The following FBP1 variants were observed in gnomAD, a reference collection of about 807,000 sequenced individuals.
The protein encoded by FBP1 is fructose-1,6-bisphosphatase 1.
A neutral mutation model predicts 29.9 loss-of-function variants in FBP1; 22 were observed. That is an observed-to-expected ratio of 0.74 (90% CI 0.53 to 1.05). The LOEUF is 1.05. Ranked by LOEUF, FBP1 falls within the 50% of genes least tolerant of loss-of-function variation. FBP1 has a pLI of 0.00. For missense variants in FBP1, 345 were observed against 448.2 expected (o/e 0.77, Z 2.08); for synonymous variants, 175 against 178.6 (o/e 0.98, Z 0.16).
At chr9:94,610,820 G>A (rs1827772424) in intron 3 of FBP1, among the ~76,000 whole-genome samples, 2 of 152,068 alleles carry the variant, frequency 1.3e-5, no homozygotes, top group Non-Finnish European at 2.9e-5. Context: ...AGCCCCTTAA[G>A]GAGACAGCTC....
At chr9:94,611,370 C>A (rs1999122) in intron 3 of FBP1, among the ~76,000 whole-genome samples, 76,294 of 151,992 alleles carry the variant, frequency 0.5, 19,372 homozygotes, top group Admixed American at 0.63. Context: ...GTCATCCCAG[C>A]AAAACATTCC....
chr9:94,635,110 AC>A (rs780451283), intron 1 of FBP1, among the ~76,000 whole-genome samples: 43 of 138,540 alleles, frequency 3.1e-4, no homozygotes, highest in Non-Finnish European at 5.1e-4. Context: ...AAAAAAAAAA[AC>A]CAGTTAACTA....
At chr9:94,615,035 G>C (rs1026932788) in intron 3 of FBP1, among the ~76,000 whole-genome samples, 47 of 151,986 alleles carry the variant, frequency 3.1e-4, no homozygotes, top group Admixed American at 2.4e-3. Context: ...CAGCCTCCCA[G>C]GTAGCTGGGA....
intron 1 of FBP1, among the ~76,000 whole-genome samples, chr9:94,636,059 C>T (rs1828186493): frequency 6.6e-6 from 1 of 152,034 alleles, no homozygotes; most frequent in African/African-American, 2.4e-5. Flanking sequence ...GCAGTGGATA[C>T]CCCATGGGAT....
intron 1 of FBP1, among the ~76,000 whole-genome samples, chr9:94,638,170 AC>A (rs1442932384): frequency 1.3e-5 from 2 of 151,776 alleles, no homozygotes; most frequent in Non-Finnish European, 2.9e-5. Flanking sequence ...CTTACAAAAA[AC>A]CTCACAAGAA....
At chr9:94,616,937 T>C (rs1235329186) in intron 3 of FBP1, among the ~76,000 whole-genome samples, 1 of 150,416 alleles carries the variant, frequency 6.6e-6, no homozygotes, top group African/African-American at 2.4e-5. Flanking sequence ...TCTCTCTTTC[T>C]CTCTCTCTCT....
chr9:94,612,349 G>A lies in FBP1; in HGVS notation c.427-2288C>T, dbSNP rs1050566303. Among the ~76,000 whole-genome samples the A allele has an allele frequency of 5.3e-5, 8 of 152,120 alleles. No individual in the cohort carries two copies. The East Asian group carries it at 7.7e-4, about 15-fold the overall frequency. The stretch of plus-strand genomic sequence containing the variant: ...AGATTCACCTCGCCCAGAACCATCC[G>A]TGCCGGCCTGTGGCAAAGGTGCAAA... On this transcript the variant is annotated intron_variant, in intron 3 of 6. Coordinates refer to ENST00000375326, the MANE Select transcript of FBP1 (RefSeq NM_000507.4).
At chr9:94,635,076 GGC>G (rs1828171093) in intron 1 of FBP1, among the ~76,000 whole-genome samples, 1 of 115,484 alleles carries the variant, frequency 8.7e-6, no homozygotes, top group Middle Eastern at 6.6e-3. Flanking sequence ...GTGAGAGTGA[GGC>G]CCTGTCTCAA....
chr9:94,632,050 CTG>C (rs1282558696), intron 1 of FBP1, among the ~76,000 whole-genome samples: 1 of 152,168 alleles, frequency 6.6e-6, no homozygotes, highest in Non-Finnish European at 1.5e-5. Flanking sequence ...TAAAATAAAT[CTG>C]GTAAAGTTTC....
At chr9:94,635,317 T>G (rs1828176310) in intron 1 of FBP1, among the ~76,000 whole-genome samples, 1 of 152,220 alleles carries the variant, frequency 6.6e-6, no homozygotes, top group African/African-American at 2.4e-5. Flanking sequence ...TGAGTCTCTT[T>G]CAGTCTAAAA....
chr9:94,639,570 C>T, upstream of FBP1: 2 of 577,992 alleles, frequency 3.5e-6, no homozygotes, highest in East Asian at 5.9e-5. Context: ...GGTCGGCCCC[C>T]CGCCCCCGGG....
intron 1 of FBP1, among the ~76,000 whole-genome samples, chr9:94,628,165 T>C (rs1305540806): frequency 6.6e-6 from 1 of 152,142 alleles, no homozygotes; most frequent in Non-Finnish European, 1.5e-5. Context: ...GGCATGTGGA[T>C]CACTTGAGGA....
At chr9:94,617,565 T>C (rs577734616) in intron 3 of FBP1, among the ~76,000 whole-genome samples, 1 of 152,304 alleles carries the variant, frequency 6.6e-6, no homozygotes, top group Non-Finnish European at 1.5e-5. Flanking sequence ...CCACCCATAT[T>C]TTACCCTATA....
At position 94,617,871 on chromosome 9, in the gene FBP1, A is replaced by G; in HGVS notation, c.334-11T>C. ...GACCACATATTTACCCTGAGCACAG[A>G]AAAAAGAAATACAACCTTAAAATGT... On this transcript the variant is annotated splice_polypyrimidine_tract_variant and intron_variant, in intron 2 of 6. Coordinates refer to ENST00000375326, the MANE Select transcript of FBP1 (RefSeq NM_000507.4). The G allele has an allele frequency of 6.3e-7, 1 of 1,593,012 alleles. No homozygotes were observed.
At chr9:94,621,004 G>C (rs1752706982) in intron 1 of FBP1, among the ~76,000 whole-genome samples, 1 of 151,956 alleles carries the variant, frequency 6.6e-6, no homozygotes, top group Non-Finnish European at 1.5e-5. Context: ...ATGAGGTCAG[G>C]GGATCGAGAC....
intron 1 of FBP1, among the ~76,000 whole-genome samples, chr9:94,637,621 C>T (rs1184137677): frequency 2.6e-5 from 4 of 151,956 alleles, no homozygotes; most frequent in Admixed American, 1.3e-4. Flanking sequence ...GAACTCCTGA[C>T]CTCAGGCAAT....
rs758621019 is a variant in FBP1, at chr9:94,617,781, C to T, written c.413G>A (p.Gly138Asp). The T allele has an allele frequency of 1.2e-6, 2 of 1,612,344 alleles. No homozygotes were observed. Among genetic ancestry groups the T allele is most frequent in the Non-Finnish European group, 1.7e-6 (2 of 1,178,526 alleles). The change falls in exon 3 of 7, where the codon GGC becomes GAC. Residue 138 changes from glycine (G) to aspartate (D), a missense_variant. Gly to Asp is a moderately conservative substitution (Grantham distance 94, BLOSUM62 -1). Coordinates refer to ENST00000375326, the MANE Select transcript of FBP1 (RefSeq NM_000507.4). Reference protein sequence around the residue: ...DCLVSVGTIFGIYRKKSTDEP... With the variant: ...DCLVSVGTIFDIYRKKSTDEP... ...ATCACGTTTTACCTTTCTATAGATG[C>T]CAAAAATGGTTCCAACGGACACAAG... is the stretch of plus-strand genomic sequence containing the variant.
intron 4 of FBP1, 120 bp from the exon 5 acceptor site, chr9:94,607,072 T>G: frequency 7.4e-7 from 1 of 1,355,456 alleles, no homozygotes; most frequent in Non-Finnish European, 1.0e-6. Context: ...CGGGCACCAC[T>G]CATCTTGGGG....
chr9:94,637,523 C>T (rs1234430230), intron 1 of FBP1, among the ~76,000 whole-genome samples: 1 of 151,868 alleles, frequency 6.6e-6, no homozygotes, highest in Non-Finnish European at 1.5e-5. Flanking sequence ...CTCAGCCTCC[C>T]GAGTAGCTGG....
Sources: allele counts gnomAD v4.1 joint callset (sites outside exome capture counted in the v4.1 genomes callset), GRCh38; gene constraint gnomAD v4.1.1; transcripts MANE v1.5; gene names NCBI Gene and HGNC (gene_info 2026-07-23, HGNC 2026-07-21).